EPM2A: variants seen among roughly 807,000 people sequenced by gnomAD.
EPM2A encodes the protein laforin.
A neutral mutation model predicts 26.5 loss-of-function variants in EPM2A; 21 were observed. The observed-to-expected ratio is 0.79, with a 90% CI of 0.56 to 1.14. EPM2A has a LOEUF of 1.14. Among genes scored for constraint, EPM2A ranks in the 50% most tolerant of loss-of-function variants. The pLI is 0.00. For missense variants in EPM2A, 458 were observed against 440.8 expected (o/e 1.04, Z -0.35); for synonymous variants, 217 against 177.6 (o/e 1.22, Z -1.76).
chr6:145,410,693 C>G (rs750935986), intron 4 of EPM2A, among the ~76,000 whole-genome samples: 10 of 152,118 alleles, frequency 6.6e-5, no homozygotes, highest in Non-Finnish European at 1.0e-4. Context: ...AATGAGGGTG[C>G]TAATGGTGAG....
intron 4 of EPM2A, among the ~76,000 whole-genome samples, chr6:145,475,661 CTATT>C (rs1167103146): frequency 1.3e-5 from 2 of 151,580 alleles, no homozygotes; most frequent in African/African-American, 4.8e-5. Flanking sequence ...GTTATGGTGA[CTATT>C]TATTAGTTTT....
intron 4 of EPM2A, among the ~76,000 whole-genome samples, chr6:145,457,064 T>C (rs73781812): frequency 0.018 from 2,768 of 152,348 alleles, 86 homozygotes; most frequent in African/African-American, 0.062. Flanking sequence ...GAGTTTAACA[T>C]ATATTAGCTC....
intron 2 of EPM2A, among the ~76,000 whole-genome samples, chr6:145,512,158 G>A (rs1289820724): frequency 6.6e-6 from 1 of 152,046 alleles, no homozygotes; most frequent in Non-Finnish European, 1.5e-5. Context: ...TGGATTGTAA[G>A]ACTCAATATC....
Position 145,686,275 on chromosome 6 carries a change from C to T in EPM2A, c.323G>A (p.Arg108His), listed in dbSNP as rs202234583. ...SWEGNGPHHD[R>H]CCTYNENNLV... ...GTTGTTTTCATTGTAAGTACAGCAACGGTCATGATGAGGTCCATTGCCTAG... is the reference window on the plus strand; with the variant it reads ...GTTGTTTTCATTGTAAGTACAGCAATGGTCATGATGAGGTCCATTGCCTAG... The change falls in exon 2 of 4, where the codon CGT becomes CAT. Residue 108 changes from arginine to histidine, a missense_variant. Transcript: ENST00000367519. 5.6e-6 allele frequency: 9 copies of T among 1,613,524 alleles called. No individual in the cohort carries two copies. The highest frequency in any genetic ancestry group is 3.3e-5 in the Admixed American group (2 of 59,956).
chr6:145,473,364 G>A (rs1041164281), intron 4 of EPM2A, among the ~76,000 whole-genome samples: 2 of 150,882 alleles, frequency 1.3e-5, no homozygotes, highest in Non-Finnish European at 3.0e-5. Flanking sequence ...ATACAGAGAA[G>A]ACAAAAGAAA....
chr6:145,627,039 C>A lies in EPM2A; in HGVS notation c.*377G>T. The A allele has an allele frequency of 8.6e-7, 1 of 1,156,552 alleles. No homozygotes were observed. The highest frequency in any genetic ancestry group is 6.1e-5 in the East Asian group (1 of 16,512). The allele number at this position is 1,156,552 out of a possible 1,614,324, so 71.6% of individuals were successfully genotyped here. On this transcript the variant is annotated 3_prime_UTR_variant, in exon 4 of 4. Coordinates refer to ENST00000367519, the MANE Select transcript of EPM2A (RefSeq NM_005670.4). The stretch of plus-strand genomic sequence containing the variant: ...TCCACATAACTCCATATCTTTTCCT[C>A]TACATGGCCAAGAGTTTCAGTGCAA...
chr6:145,413,482 G>C (rs140559366), intron 4 of EPM2A, among the ~76,000 whole-genome samples: 1 of 152,258 alleles, frequency 6.6e-6, no homozygotes, highest in African/African-American at 2.4e-5. Flanking sequence ...AATCTTAATA[G>C]TAGACAAATT....
chr6:145,578,797 A>T (rs1781072014), intron 2 of EPM2A, among the ~76,000 whole-genome samples: 1 of 152,162 alleles, frequency 6.6e-6, no homozygotes, highest in Admixed American at 6.5e-5. Flanking sequence ...TCCCTACAAG[A>T]TACCTTATTC....
chr6:145,649,178 T>C (rs1472014317), intron 2 of EPM2A, among the ~76,000 whole-genome samples: 1 of 152,138 alleles, frequency 6.6e-6, no homozygotes, highest in Non-Finnish European at 1.5e-5. Flanking sequence ...TTTCGAGATG[T>C]GACATGGAGG....
chr6:145,402,746 C>A (rs543014406), intron 4 of EPM2A, among the ~76,000 whole-genome samples: 5 of 152,104 alleles, frequency 3.3e-5, no homozygotes, highest in Non-Finnish European at 5.9e-5. Context: ...TGGGTGAATT[C>A]TTTGTATTAT....
chr6:145,696,781 G>A (rs1329563666), intron 1 of EPM2A, among the ~76,000 whole-genome samples: 1 of 54,098 alleles, frequency 1.8e-5, no homozygotes, highest in Admixed American at 1.5e-4. Context: ...GGGTATGTGT[G>A]TGTGTGTGTG....
intron 2 of EPM2A, among the ~76,000 whole-genome samples, chr6:145,616,925 G>T (rs1775526050): frequency 6.6e-6 from 1 of 152,158 alleles, no homozygotes. Flanking sequence ...GAAGGAACTT[G>T]CCTGGTGTCA....
chr6:145,536,834 C>A (rs1780438821), intron 2 of EPM2A, among the ~76,000 whole-genome samples: 1 of 152,206 alleles, frequency 6.6e-6, no homozygotes, highest in Non-Finnish European at 1.5e-5. Flanking sequence ...TAGCAAGGGG[C>A]TCAGCCACCA....
chr6:145,498,411 G>C (rs1384310948), downstream of EPM2A, among the ~76,000 whole-genome samples: 1 of 152,178 alleles, frequency 6.6e-6, no homozygotes, highest in Non-Finnish European at 1.5e-5. Flanking sequence ...AGGGATCCTG[G>C]AGCCAGAGTA....
At chr6:145,427,195 A>C (rs950963969) in intron 4 of EPM2A, among the ~76,000 whole-genome samples, 1 of 152,196 alleles carries the variant, frequency 6.6e-6, no homozygotes, top group Non-Finnish European at 1.5e-5. Context: ...TTGCTCTCCT[A>C]TAGCTAACAT....
At chr6:145,579,696 G>A (rs900916221) in intron 2 of EPM2A, among the ~76,000 whole-genome samples, 1 of 152,070 alleles carries the variant, frequency 6.6e-6, no homozygotes, top group African/African-American at 2.4e-5. Flanking sequence ...TCATTGATAT[G>A]GTTAAGTATA....
intron 2 of EPM2A, among the ~76,000 whole-genome samples, chr6:145,618,624 G>A (rs1245169501): frequency 2.0e-5 from 3 of 152,168 alleles, no homozygotes; most frequent in Non-Finnish European, 2.9e-5. Context: ...CTGCTGCTAT[G>A]TGAAGAAGGT....
chr6:145,715,198 A>C (rs1484484536), intron 1 of EPM2A, among the ~76,000 whole-genome samples: 2 of 152,132 alleles, frequency 1.3e-5, no homozygotes, highest in Non-Finnish European at 2.9e-5. Flanking sequence ...CAATTATTCC[A>C]GTTCAGGATC....
Position 145,676,842 on chromosome 6 carries a change from T to C in EPM2A, c.476+9280A>G, listed in dbSNP as rs187559176. The stretch of plus-strand genomic sequence containing the variant: ...CAGATGGATTCACAGCCAAATTCTA[T>C]GAGAGGTACAAAGAGGAGCTGGTAT... On this transcript the variant is annotated intron_variant, in intron 2 of 3. Coordinates refer to ENST00000367519, the MANE Select transcript of EPM2A (RefSeq NM_005670.4). Among the ~76,000 whole-genome samples the C allele has an allele frequency of 6.6e-5, 10 of 152,194 alleles. No individual in the cohort carries two copies. In the East Asian group the frequency reaches 1.9e-3, roughly 29 times the overall value.
Sources: gnomAD v4.1 joint callset for allele counts (sites outside exome capture counted in the v4.1 genomes callset) on GRCh38, gnomAD v4.1.1 for gene constraint, MANE v1.5 for transcripts, NCBI Gene and HGNC (gene_info 2026-07-23, HGNC 2026-07-21) for gene names.